Variants in SBF2 observed in about 807,000 individuals in gnomAD.
SBF2 encodes myotubularin-related protein 13.
A neutral mutation model predicts 225.2 loss-of-function variants in SBF2; 112 were observed. That is an observed-to-expected ratio of 0.50 (90% CI 0.43 to 0.58). The LOEUF is 0.58. Among genes scored for constraint, SBF2 ranks in the 20% least tolerant of loss-of-function variants. The pLI, the probability that SBF2 is intolerant of heterozygous loss-of-function variation, is 0.00. For missense variants in SBF2, 1,996 were observed against 2,206.2 expected, an observed-to-expected ratio of 0.90 and a Z score of 1.91; for synonymous variants, 763 against 773.3, an observed-to-expected ratio of 0.99 and a Z score of 0.22.
chr11:10,171,568 A>G (rs567209790), intron 2 of SBF2, among the ~76,000 whole-genome samples: 14 of 152,290 alleles, frequency 9.2e-5, no homozygotes, highest in Non-Finnish European at 1.5e-4. Flanking sequence ...TTTTGCATCA[A>G]TGTTCATCAG....
chr11:9,959,883 A>C, intron 16 of SBF2: 1 of 432,974 alleles, frequency 2.3e-6, no homozygotes, highest in Non-Finnish European at 4.5e-6. Context: ...GTGCGCTCAG[A>C]AACTCTGCTC....
chr11:10,244,216 A>T (rs547894570), intron 1 of SBF2, among the ~76,000 whole-genome samples: 19 of 152,264 alleles, frequency 1.2e-4, no homozygotes, highest in Admixed American at 9.8e-4. Context: ...CTAATATCAA[A>T]CAGCTTCTTC....
chr11:9,873,304 T>C (rs897168900), intron 17 of SBF2, among the ~76,000 whole-genome samples: 1 of 151,816 alleles, frequency 6.6e-6, no homozygotes, highest in African/African-American at 2.4e-5. Flanking sequence ...CATAAAAATA[T>C]TGGTTCACAA....
chr11:9,919,182 A>G (rs887477916), intron 16 of SBF2, among the ~76,000 whole-genome samples: 3 of 152,170 alleles, frequency 2.0e-5, no homozygotes, highest in African/African-American at 7.2e-5. Context: ...CACTATTGTT[A>G]GAATATTTTA....
chr11:10,031,698 T>C (rs956721324), intron 3 of SBF2, among the ~76,000 whole-genome samples: 1 of 152,210 alleles, frequency 6.6e-6, no homozygotes, highest in African/African-American at 2.4e-5. Flanking sequence ...CGGCTCTAAA[T>C]TGCTTTTGTT....
chr11:9,795,033 T>C (rs1853034469), intron 33 of SBF2, among the ~76,000 whole-genome samples: 1 of 152,168 alleles, frequency 6.6e-6, no homozygotes, highest in Non-Finnish European at 1.5e-5. Context: ...GCATATAATA[T>C]ATTGAACAGA....
intron 6 of SBF2, among the ~76,000 whole-genome samples, chr11:10,014,270 C>T (rs1159089640): frequency 6.6e-6 from 1 of 152,048 alleles, no homozygotes; most frequent in Non-Finnish European, 1.5e-5. Context: ...TATATACATA[C>T]ACATACATAC....
intron 6 of SBF2, among the ~76,000 whole-genome samples, chr11:10,002,930 T>C (rs993448461): frequency 2.6e-5 from 4 of 152,240 alleles, no homozygotes; most frequent in African/African-American, 9.6e-5. Flanking sequence ...GGAAACACTA[T>C]TACCTTCTTT....
At chr11:10,009,608 C>G (rs1478422157) in intron 6 of SBF2, among the ~76,000 whole-genome samples, 1 of 152,184 alleles carries the variant, frequency 6.6e-6, no homozygotes, top group Non-Finnish European at 1.5e-5. Context: ...TTTATAGCTG[C>G]ATAGTATTCC....
chr11:10,097,747 C>T (rs1045093829), intron 2 of SBF2, among the ~76,000 whole-genome samples: 3 of 152,078 alleles, frequency 2.0e-5, no homozygotes, highest in Non-Finnish European at 2.9e-5. Flanking sequence ...AACAATTTCA[C>T]TTTAGCTATT....
intron 17 of SBF2, among the ~76,000 whole-genome samples, chr11:9,885,444 T>C (rs932646483): frequency 4.6e-5 from 7 of 152,064 alleles, no homozygotes; most frequent in African/African-American, 1.4e-4. Context: ...AACCCTCACG[T>C]TGCCCACGAA....
intron 2 of SBF2, among the ~76,000 whole-genome samples, chr11:10,094,214 T>A (rs1951909740): frequency 6.6e-6 from 1 of 151,992 alleles, no homozygotes. Flanking sequence ...TCCCAGCTAC[T>A]CGGCAGGCTG....
At chr11:9,863,944 C>T (rs911274461) in intron 17 of SBF2, among the ~76,000 whole-genome samples, 1 of 152,102 alleles carries the variant, frequency 6.6e-6, no homozygotes, top group Non-Finnish European at 1.5e-5. Context: ...TATTCTATCC[C>T]TTATTGATGC....
intron 1 of SBF2, among the ~76,000 whole-genome samples, chr11:10,208,470 G>T (rs1957819974): frequency 6.6e-6 from 1 of 151,974 alleles, no homozygotes; most frequent in Non-Finnish European, 1.5e-5. Context: ...CAGTTATCAT[G>T]AACCAAACTG....
intron 2 of SBF2, among the ~76,000 whole-genome samples, chr11:10,093,084 C>G (rs770932475): frequency 1.3e-5 from 2 of 151,346 alleles, no homozygotes; most frequent in African/African-American, 2.4e-5. Context: ...TGGCATGAAC[C>G]CTGATCACTG....
At chr11:10,189,614 C>T (rs1957078558) in intron 2 of SBF2, among the ~76,000 whole-genome samples, 1 of 152,110 alleles carries the variant, frequency 6.6e-6, no homozygotes, top group Non-Finnish European at 1.5e-5. Flanking sequence ...GGCAGGTAGT[C>T]AAATTGCTAG....
intron 17 of SBF2, among the ~76,000 whole-genome samples, chr11:9,861,899 A>G (rs1310428023): frequency 9.2e-5 from 14 of 152,204 alleles, no homozygotes; most frequent in Admixed American, 9.2e-4. Context: ...TAGTTTGAGC[A>G]AAAGTGGGAC....
At chr11:9,948,801 C>T (rs1311083963) in intron 16 of SBF2, among the ~76,000 whole-genome samples, 2 of 152,126 alleles carry the variant, frequency 1.3e-5, no homozygotes, top group East Asian at 3.8e-4. Flanking sequence ...TCATCCAAAA[C>T]CATATGATTC....
intron 13 of SBF2, among the ~76,000 whole-genome samples, chr11:9,982,121 A>G (rs2134436204): frequency 6.6e-6 from 1 of 152,320 alleles, no homozygotes; most frequent in Admixed American, 6.5e-5. Flanking sequence ...TATCCATGGA[A>G]TATTTTCATC....
Sources: allele counts gnomAD v4.1 joint callset (sites outside exome capture counted in the v4.1 genomes callset), GRCh38; gene constraint gnomAD v4.1.1; transcripts MANE v1.5; gene names NCBI Gene and HGNC (gene_info 2026-07-23, HGNC 2026-07-21).